PLXNB3: variants seen among roughly 807,000 people sequenced by gnomAD.
PLXNB3 encodes the protein plexin B3.
Under a neutral mutation model 125.7 loss-of-function variants are expected in PLXNB3, and 80 were observed. The observed-to-expected ratio is 0.64, with a 90% CI of 0.53 to 0.77. The LOEUF (loss-of-function observed/expected upper bound fraction) is 0.77, where lower values mean the gene tolerates loss of function less well. Ranked by LOEUF, PLXNB3 falls within the 30% of genes least tolerant of loss-of-function variation. PLXNB3 has a pLI of 0.00. For missense variants in PLXNB3, 1,836 were observed against 1,729.3 expected, an observed-to-expected ratio of 1.06 and a Z score of -1.09; for synonymous variants, 954 against 783.3, an observed-to-expected ratio of 1.22 and a Z score of -3.64.
At chrX:153,772,672 G>A (rs1239240585) in intron 16 of PLXNB3, 2 of 993,361 alleles carry the variant, frequency 2.0e-6, no homozygotes, top group South Asian at 3.4e-5. Context: ...GGATGAAAGA[G>A]CCCCACTTCT....
rs781985720 is a variant in PLXNB3 at position 153,776,414 on chromosome X, G to A, written c.4788G>A (p.Val1596=). 1 of 1,185,701 alleles carries A rather than the reference G, an allele frequency of 8.4e-7. No individual in the cohort carries two copies. The highest frequency in any genetic ancestry group is 1.8e-5 in the South Asian group (1 of 55,926). Residue 1596 remains valine (V), a synonymous_variant, in exon 28 of 36, where the codon GTG becomes GTA. Coordinates refer to ENST00000361971, the MANE Select transcript of PLXNB3 (RefSeq NM_005393.3). The part of the protein sequence containing the change: ...LTLSDEDLTS[V]TQNHWKRLNT... ...TATCGGACGAAGACTTGACCTCCGT[G>A]ACCCAAAACCACTGGAAGAGACTCA...
chrX:153,771,857 G>T lies in PLXNB3; in HGVS notation c.2518-7G>T, dbSNP rs782251967. The T allele has an allele frequency of 8.3e-7, 1 of 1,205,440 alleles. No individual in the cohort carries two copies. The highest frequency in any genetic ancestry group is 1.1e-6 in the Non-Finnish European group (1 of 893,594). On this transcript the variant is annotated splice_region_variant and splice_polypyrimidine_tract_variant and intron_variant, in intron 14 of 35. Transcript: ENST00000361971. Reference sequence around the variant, plus strand: ...GGACCCCATCTGCCATCATTTGCCTGCTGCAGGTCGAGCCCCTGACCGGTC... The same window carrying T: ...GGACCCCATCTGCCATCATTTGCCTTCTGCAGGTCGAGCCCCTGACCGGTC...
chrX:153,770,493 G>A, intron 9 of PLXNB3, 35 bp from the exon 10 acceptor site: 1 of 1,201,223 alleles, frequency 8.3e-7, no homozygotes, highest in Non-Finnish European at 1.1e-6. Context: ...CGACCCCAGA[G>A]GGCACTCAGT....
chrX:153,772,642 G>T (rs1360365321), intron 16 of PLXNB3: 9 of 939,615 alleles, frequency 9.6e-6, no homozygotes, highest in Non-Finnish European at 1.2e-5. Context: ...GCTGTCCCAA[G>T]GGGGACAGAG....
rs782374659 is a variant in PLXNB3 at position 153,774,942 on chromosome X, G to T, written c.3994G>T (p.Asp1332Tyr). 12 of 1,189,736 alleles carry T rather than the reference G, an allele frequency of 1.0e-5. No individual in the cohort carries two copies. The highest frequency in any genetic ancestry group is 1.7e-5 in the African/African-American group (1 of 57,363). ...GGAGGGCAGCGGGATCCCCTTCCTG[G>T]ACTACCGCACCTACGCCGAGCGCGC... ...DLEGSGIPFL[D>Y]YRTYAERAFF... is the part of the protein sequence containing the mutation. The change falls in exon 24 of 36, where the codon GAC becomes TAC. Residue 1332 changes from aspartate to tyrosine, a missense_variant. Coordinates refer to ENST00000361971, the MANE Select transcript of PLXNB3 (RefSeq NM_005393.3).
intron 5 of PLXNB3, 42 bp from the exon 6 acceptor site, chrX:153,769,120 A>G (rs782798022): frequency 8.3e-7 from 1 of 1,200,325 alleles, no homozygotes; most frequent in South Asian, 1.8e-5. Context: ...CACGCGGCCC[A>G]AGTCTCGTGC....
chrX:153,766,355 G>A, intron 2 of PLXNB3: 1 of 1,130,163 alleles, frequency 8.8e-7, no homozygotes, highest in Admixed American at 2.9e-5. Flanking sequence ...TGGTCCCTTG[G>A]GGCACACGGT....
chrX:153,767,015 G>A lies in PLXNB3; in HGVS notation c.188G>A (p.Arg63Gln), dbSNP rs202183031. 1.5e-4 allele frequency: 183 copies of A among 1,209,635 alleles called. No homozygotes were observed. Among genetic ancestry groups the A allele is most frequent in the Admixed American group, 4.1e-4 (19 of 45,960 alleles). Reference sequence around the variant, plus strand: ...AACCACTTGGCACTGGCACCTGGCCGAGGCACACTCTATGTCGGCGCAGTG... The same window carrying A: ...AACCACTTGGCACTGGCACCTGGCCAAGGCACACTCTATGTCGGCGCAGTG... ...TLNHLALAPG[R>Q]GTLYVGAVNR... The change falls in exon 3 of 36, where the codon CGA becomes CAA. Residue 63 changes from arginine (R) to glutamine (Q), a missense_variant. Arg to Gln is a conservative substitution (Grantham distance 43, BLOSUM62 1). Transcript: ENST00000361971.
In PLXNB3 at chrX:153,768,338, G is replaced by A; in HGVS notation, c.1176G>A (p.Lys392=). 1.7e-6 allele frequency: 2 copies of A among 1,210,728 alleles called. No individual in the cohort carries two copies. The highest frequency in any genetic ancestry group is 2.2e-6 in the Non-Finnish European group (2 of 894,972). Reference sequence around the variant, plus strand: ...CCCTGGAGGTCCAGCCTCTGCTGAAGCTCGGGCAGCCGGTCAGCGCCGTGG... The same window carrying A: ...CCCTGGAGGTCCAGCCTCTGCTGAAACTCGGGCAGCCGGTCAGCGCCGTGG... ...RQPLEVQPLL[K]LGQPVSAVAA... Residue 392 remains lysine (K), a synonymous_variant, in exon 4 of 36, where the codon AAG becomes AAA. Coordinates refer to ENST00000361971, the MANE Select transcript of PLXNB3 (RefSeq NM_005393.3).
chrX:153,773,450 G>A, intron 18 of PLXNB3, 44 bp downstream of exon 18: 2 of 1,186,818 alleles, frequency 1.7e-6, no homozygotes, highest in South Asian at 3.7e-5. Context: ...ACGCAGGAGG[G>A]AAGGTGGGAT....
intron 16 of PLXNB3, 45 bp from the exon 17 acceptor site, chrX:153,772,841 G>T: frequency 9.3e-7 from 1 of 1,072,025 alleles, no homozygotes. Context: ...GGGTGAAAGG[G>T]CCAGGCTGGG....
intron 1 of PLXNB3, among the ~76,000 whole-genome samples, chrX:153,764,812 C>T (rs1328169991): frequency 1.8e-5 from 2 of 112,838 alleles, no homozygotes; most frequent in African/African-American, 6.4e-5. Context: ...GCCAGCAGGA[C>T]GGTGCTTCAG....
Position 153,770,441 on chromosome X carries a change from T to C in PLXNB3, c.1890T>C (p.Ala630=). The C allele has an allele frequency of 8.3e-7, 1 of 1,207,457 alleles. No homozygotes were observed. The highest frequency in any genetic ancestry group is 1.1e-6 in the Non-Finnish European group (1 of 892,455). The part of the protein sequence containing the change: ...DCSAVQALEA[A]APCRACVGSI... Reference sequence around the variant, plus strand: ...GTGCCGTCCAGGCCTTGGAGGCGGCTGCCCCGTGAGTCCCTGGGCCTGCCT... The same window carrying C: ...GTGCCGTCCAGGCCTTGGAGGCGGCCGCCCCGTGAGTCCCTGGGCCTGCCT... Residue 630 remains alanine (A), a synonymous_variant, in exon 9 of 36, where the codon GCT becomes GCC. Coordinates refer to ENST00000361971, the MANE Select transcript of PLXNB3 (RefSeq NM_005393.3).
intron 11 of PLXNB3, 26 bp downstream of exon 11, chrX:153,770,909 A>G (rs1557061594): frequency 8.3e-7 from 1 of 1,202,206 alleles, no homozygotes. Context: ...GGAAGGGGAC[A>G]GGGCAGTGAG....
chrX:153,779,051 G>A lies in PLXNB3; in HGVS notation c.*12G>A. 1.8e-6 allele frequency: 2 copies of A among 1,121,052 alleles called. No homozygotes were observed. The highest frequency in any genetic ancestry group is 2.4e-6 in the Non-Finnish European group (2 of 833,836). 92.4% of individuals were successfully genotyped at this position (1,121,052 alleles called of 1,213,427 possible). ...TGACTGACCTGTGAGCTCTGGCTCAGACAGCAGCAAGCCGGATCCACCAAC... is the reference window on the plus strand; with the variant it reads ...TGACTGACCTGTGAGCTCTGGCTCAAACAGCAGCAAGCCGGATCCACCAAC... On this transcript the variant is annotated 3_prime_UTR_variant, in exon 36 of 36. Coordinates refer to ENST00000361971, the MANE Select transcript of PLXNB3 (RefSeq NM_005393.3).
rs972213964 is a variant in PLXNB3, at chrX:153,774,417, C to T, written c.3679-3C>T. On this transcript the variant is annotated splice_polypyrimidine_tract_variant and splice_region_variant and intron_variant, in intron 21 of 35. Coordinates refer to ENST00000361971, the MANE Select transcript of PLXNB3 (RefSeq NM_005393.3). ...GCACTCAGGAACCCTGCCCGCCCCC[C>T]AGGTGCAGATGGGCAATGTGCAGCT... The T allele has an allele frequency of 8.5e-7, 1 of 1,182,527 alleles. No homozygotes were observed. The highest frequency in any genetic ancestry group is 1.9e-5 in the South Asian group (1 of 53,859).
rs1454245211 is a variant in PLXNB3 at position 153,767,406 on chromosome X, G to A, written c.579G>A (p.Ala193=). ...TCCTGCTTGTGGCCAGAGGCCTGGC[G>A]GGCAAGCTGTCGGCAGGGGTGCCAC... is the stretch of plus-strand genomic sequence containing the variant. The part of the protein sequence containing the change: ...RDLLLVARGL[A]GKLSAGVPPL... The change falls in exon 3 of 36, where the codon GCG becomes GCA. Residue 193 remains alanine (A), a synonymous_variant. Transcript: ENST00000361971. The A allele has an allele frequency of 3.4e-6, 4 of 1,184,491 alleles. No homozygotes were observed. Among genetic ancestry groups the A allele is most frequent in the Admixed American group, 2.3e-5 (1 of 43,597 alleles).
In PLXNB3 at chrX:153,775,001, G is replaced by C; in HGVS notation, c.4053G>C (p.Gln1351His). The change falls in exon 24 of 36, where the codon CAG becomes CAC. Residue 1351 changes from glutamine (Q) to histidine (H), a missense_variant. Transcript: ENST00000361971. ...CTGGCCATGGCGGTTGCCCGCTGCA[G>C]CCCAAGCCTGAGGGGCCAGGGGAGG... The part of the protein sequence containing the change: ...FFPGHGGCPL[Q>H]PKPEGPGEDG... 1 of 1,206,544 alleles carries C rather than the reference G, an allele frequency of 8.3e-7. No homozygotes were observed. The highest frequency in any genetic ancestry group is 1.1e-6 in the Non-Finnish European group (1 of 892,714).
chrX:153,772,833 G>A, intron 16 of PLXNB3, 53 bp from the exon 17 acceptor site: 2 of 1,068,092 alleles, frequency 1.9e-6, no homozygotes, highest in South Asian at 2.5e-5. Flanking sequence ...GCCCAGGGGG[G>A]TGAAAGGGCC....
Sources: allele counts gnomAD v4.1 joint callset (sites outside exome capture counted in the v4.1 genomes callset), GRCh38; gene constraint gnomAD v4.1.1; transcripts MANE v1.5; gene names NCBI Gene and HGNC (gene_info 2026-07-23, HGNC 2026-07-21).